STX12: variants seen among roughly 807,000 people sequenced by gnomAD.
STX12 encodes syntaxin 12.
A neutral mutation model predicts 42.2 loss-of-function variants in STX12; 17 were observed. The ratio of observed to expected loss-of-function variants is 0.40; its 90% CI spans 0.28 to 0.60. The LOEUF is 0.60. STX12 is among the 20% of genes least tolerant of loss of function. STX12 has a pLI of 0.39. For missense variants in STX12, 297 were observed against 330.9 expected, an observed-to-expected ratio of 0.90 and a Z score of 0.79; for synonymous variants, 108 against 116.7, an observed-to-expected ratio of 0.93 and a Z score of 0.48.
chr1:27,789,968 C>T (rs539549783), intron 2 of STX12, among the ~76,000 whole-genome samples: 4 of 152,200 alleles, frequency 2.6e-5, no homozygotes, highest in Admixed American at 2.6e-4. Flanking sequence ...CGTAGGACTC[C>T]TCATGATCTA....
At chr1:27,789,667 G>A (rs1378247563) in intron 2 of STX12, 36 bp downstream of exon 2, 6 of 1,516,270 alleles carry the variant, frequency 4.0e-6, no homozygotes, top group Non-Finnish European at 5.5e-6. Context: ...GTTTTGTGAG[G>A]GCCATTTGAG....
chr1:27,809,007 A>G (rs377727944), intron 4 of STX12, among the ~76,000 whole-genome samples: 1 of 152,230 alleles, frequency 6.6e-6, no homozygotes, highest in East Asian at 1.9e-4. Flanking sequence ...TGTTAAATCA[A>G]AATCTGCCAC....
At chr1:27,818,467 T>C (rs1265875095) in intron 7 of STX12, among the ~76,000 whole-genome samples, 2 of 152,144 alleles carry the variant, frequency 1.3e-5, no homozygotes, top group Non-Finnish European at 2.9e-5. Flanking sequence ...AATTACCAAA[T>C]TTATTTTTCG....
intron 8 of STX12, among the ~76,000 whole-genome samples, chr1:27,821,094 C>G (rs577191939): frequency 6.6e-6 from 1 of 150,540 alleles, no homozygotes; most frequent in African/African-American, 2.4e-5. Flanking sequence ...GTGCAGCACA[C>G]CAGCATGGCA....
chr1:27,778,538 AAAGT>A (rs960559986), intron 1 of STX12, among the ~76,000 whole-genome samples: 1 of 152,034 alleles, frequency 6.6e-6, no homozygotes, highest in African/African-American at 2.4e-5. Context: ...TAAAAATCAA[AAAGT>A]AAGCCGGGTG....
At chr1:27,793,814 C>T (rs1227876897) in intron 3 of STX12, among the ~76,000 whole-genome samples, 182 bp downstream of exon 3, 8 of 152,030 alleles carry the variant, frequency 5.3e-5, no homozygotes, top group Non-Finnish European at 8.8e-5. Context: ...AAAGAATGTA[C>T]ACACCAGATG....
rs2088953762 is a variant in STX12, at chr1:27,817,832, T to C, written c.577-19T>C. The stretch of plus-strand genomic sequence containing the variant: ...AACATGTTGCTTAATGTTAGTTAAT[T>C]GTTTTTTGTCTTCCTTAGGCTGACA... On this transcript the variant is annotated intron_variant, in intron 6 of 8. Coordinates refer to ENST00000373943, the MANE Select transcript of STX12 (RefSeq NM_177424.3). The C allele has an allele frequency of 6.2e-7, 1 of 1,611,922 alleles. No homozygotes were observed. The highest frequency in any genetic ancestry group is 8.5e-7 in the Non-Finnish European group (1 of 1,178,736).
At chr1:27,816,486 TAATAAATAAA>T (rs1389544596) in intron 6 of STX12, among the ~76,000 whole-genome samples, 2 of 142,268 alleles carry the variant, frequency 1.4e-5, no homozygotes, top group Admixed American at 7.1e-5. Context: ...AAAAAACAAG[TAATAAATAAA>T]AATAAATAAA....
intron 1 of STX12, among the ~76,000 whole-genome samples, chr1:27,780,368 C>A (rs760198341): frequency 6.6e-6 from 1 of 151,694 alleles, no homozygotes; most frequent in Non-Finnish European, 1.5e-5. Context: ...ACCACATGCC[C>A]GACTAATTTT....
rs938548529 is a variant in STX12 at position 27,789,685 on chromosome 1, T to C, written c.188+54T>C. On this transcript the variant is annotated intron_variant, in intron 2 of 8. Transcript: ENST00000373943. ...TTGTGAGGGCCATTTGAGGACACAG[T>C]GTCCTTGCCAGACAGCAGCTTAGGT... is the stretch of plus-strand genomic sequence containing the variant. 2.2e-6 allele frequency: 3 copies of C among 1,384,022 alleles called. No individual in the cohort carries two copies. The African/African-American group carries it at 4.3e-5, about 20-fold the overall frequency. 85.7% of individuals were successfully genotyped at this position (1,384,022 alleles called of 1,614,324 possible).
intron 1 of STX12, among the ~76,000 whole-genome samples, chr1:27,777,173 G>A (rs1327823070): frequency 6.6e-6 from 1 of 152,156 alleles, no homozygotes; most frequent in Non-Finnish European, 1.5e-5. Context: ...AAAAAGCAGG[G>A]TAAGTGGGTA....
intron 5 of STX12, among the ~76,000 whole-genome samples, chr1:27,810,503 A>T (rs930844158): frequency 2.0e-5 from 3 of 152,200 alleles, no homozygotes; most frequent in Non-Finnish European, 2.9e-5. Context: ...AGGTGAATAA[A>T]AACTTCCAAG....
chr1:27,799,833 A>C (rs1157395931), intron 3 of STX12, among the ~76,000 whole-genome samples: 3 of 149,334 alleles, frequency 2.0e-5, no homozygotes, highest in Admixed American at 1.3e-4. Flanking sequence ...GCTCACTGCA[A>C]CCTCCACCTC....
At chr1:27,792,963 G>GGAA (rs754973486) in intron 2 of STX12, among the ~76,000 whole-genome samples, 63 of 152,116 alleles carry the variant, frequency 4.1e-4, no homozygotes, top group Non-Finnish European at 8.4e-4. Flanking sequence ...TGTTTTGGAG[G>GGAA]GAAGAGCCAG....
Position 27,824,079 on chromosome 1 carries a change from A to AT in STX12, c.*1756dup, listed in dbSNP as rs757994201. On this transcript the variant is annotated 3_prime_UTR_variant, in exon 9 of 9. Coordinates refer to ENST00000373943, the MANE Select transcript of STX12 (RefSeq NM_177424.3). Reference sequence around the variant, plus strand: ...CCCCATCTCCATTTTTTTTTTAATGATTTTTTAATTAAAAAAAAGAACAAC... The same window carrying AT: ...CCCCATCTCCATTTTTTTTTTAATGATTTTTTTAATTAAAAAAAAGAACAAC... 6.6e-6 allele frequency: 1 copy of AT among 151,822 alleles called. No individual in the cohort carries two copies. The highest frequency in any genetic ancestry group is 2.4e-5 in the African/African-American group (1 of 41,288). 9.4% of individuals were successfully genotyped at this position (151,822 alleles called of 1,614,324 possible).
intron 3 of STX12, 114 bp from the exon 4 acceptor site, chr1:27,801,564 A>T: frequency 8.9e-7 from 1 of 1,123,658 alleles, no homozygotes; most frequent in Non-Finnish European, 1.2e-6. Flanking sequence ...ACTATTTCAT[A>T]ATAATTTTCC....
At chr1:27,775,259 A>G (rs899834690) in intron 1 of STX12, among the ~76,000 whole-genome samples, 2 of 152,100 alleles carry the variant, frequency 1.3e-5, no homozygotes, top group Non-Finnish European at 2.9e-5. Flanking sequence ...TCCGACATAC[A>G]GTTTTAAATT....
intron 5 of STX12, 57 bp downstream of exon 5, chr1:27,810,346 A>G: frequency 6.8e-7 from 1 of 1,481,412 alleles, no homozygotes; most frequent in Non-Finnish European, 9.3e-7. Context: ...CTATCTCGTT[A>G]TATTTTAATT....
Position 27,810,235 on chromosome 1 carries a change from C to G in STX12, c.427-11C>G. On this transcript the variant is annotated splice_polypyrimidine_tract_variant and intron_variant, in intron 4 of 8. Coordinates refer to ENST00000373943, the MANE Select transcript of STX12 (RefSeq NM_177424.3). Reference sequence around the variant, plus strand: ...TGGATGACAGCAGCAATAATACCATCTACTTTCTAGGCAGAAGAGAGGCAA... The same window carrying G: ...TGGATGACAGCAGCAATAATACCATGTACTTTCTAGGCAGAAGAGAGGCAA... 3 of 1,613,480 alleles carry G rather than the reference C, an allele frequency of 1.9e-6. No homozygotes were observed. The highest frequency in any genetic ancestry group is 1.7e-4 in the Middle Eastern group (1 of 6,058).
Sources: gnomAD v4.1 joint callset for allele counts (sites outside exome capture counted in the v4.1 genomes callset) on GRCh38, gnomAD v4.1.1 for gene constraint, MANE v1.5 for transcripts, NCBI Gene and HGNC (gene_info 2026-07-23, HGNC 2026-07-21) for gene names.